NDNF: variants seen among roughly 807,000 people sequenced by gnomAD.
The protein encoded by NDNF is protein NDNF.
Under a neutral mutation model 42.0 loss-of-function variants are expected in NDNF, and 16 were observed. The observed-to-expected ratio is 0.38, with a 90% CI of 0.26 to 0.58. NDNF has a LOEUF of 0.58. NDNF is among the 20% of genes least tolerant of loss of function. The pLI, the probability that NDNF is intolerant of heterozygous loss-of-function variation, is 0.67. For missense variants in NDNF, 616 were observed against 666.2 expected, an observed-to-expected ratio of 0.92 and a Z score of 0.83; for synonymous variants, 248 against 251.7, an observed-to-expected ratio of 0.99 and a Z score of 0.14.
At chr4:121,051,484 T>C (rs1461632518) in intron 1 of NDNF, among the ~76,000 whole-genome samples, 1 of 152,160 alleles carries the variant, frequency 6.6e-6, no homozygotes, top group African/African-American at 2.4e-5. Context: ...TATAAAATGG[T>C]CAATGGTAAG....
rs779009696 is a variant in NDNF at position 121,045,657 on chromosome 4, G to A, written c.181C>T (p.Pro61Ser). ...ATACTGCAGGGAGAATACCTCTTAG[G>A]TGTATCTCTAAAGAGATAACTGCTA... ...EISSYLFRDT[P>S]KRYFFVVEED... is the part of the protein sequence containing the mutation. Residue 61 changes from proline (P) to serine (S), a missense_variant, in exon 2 of 4, where the codon CCT (proline) becomes TCT (serine). Coordinates refer to ENST00000379692, the MANE Select transcript of NDNF (RefSeq NM_024574.4). The A allele has an allele frequency of 9.9e-6, 16 of 1,610,010 alleles. No homozygotes were observed. The highest frequency in any genetic ancestry group is 1.4e-5 in the Non-Finnish European group (16 of 1,176,214).
intron 2 of NDNF, among the ~76,000 whole-genome samples, chr4:121,040,904 C>G (rs894792452): frequency 5.9e-5 from 9 of 152,136 alleles, no homozygotes; most frequent in Non-Finnish European, 8.8e-5. Context: ...CTCAGCCTTC[C>G]AAAGCACTGG....
At position 121,037,599 on chromosome 4, in the gene NDNF, C is replaced by T. The variant is rs763272396; in HGVS notation, c.372G>A (p.Glu124=). 3 of 1,608,602 alleles carry T rather than the reference C, an allele frequency of 1.9e-6. No homozygotes were observed. The East Asian group carries it at 6.7e-5, about 36-fold the overall frequency. The change falls in exon 4 of 4, where the codon GAG becomes GAA. Residue 124 remains glutamate, a synonymous_variant. Transcript: ENST00000379692. The part of the protein sequence containing the change: ...KQQIINEEGT[E]LFSYKGNDVE... Reference sequence around the variant, plus strand: ...CATCATTGCCTTTGTAGGAGAATAACTCAGTGCCTTCCTCATTAATGATCT... The same window carrying T: ...CATCATTGCCTTTGTAGGAGAATAATTCAGTGCCTTCCTCATTAATGATCT...
chr4:121,056,287 G>A (rs982819393), intron 1 of NDNF, among the ~76,000 whole-genome samples: 1 of 152,196 alleles, frequency 6.6e-6, no homozygotes, highest in African/African-American at 2.4e-5. Context: ...AAGACCAGGA[G>A]GGAATTGACT....
intron 1 of NDNF, among the ~76,000 whole-genome samples, chr4:121,070,702 C>A (rs1727576458): frequency 6.6e-6 from 1 of 152,134 alleles, no homozygotes; most frequent in Non-Finnish European, 1.5e-5. Context: ...AACAAAGTTG[C>A]TAAAAAGAAC....
chr4:121,061,043 A>C (rs186842887), intron 1 of NDNF: 1 of 152,330 alleles, frequency 6.6e-6, no homozygotes, highest in East Asian at 1.9e-4. Flanking sequence ...TTATTTCCAG[A>C]AAAAAGGGGA....
chr4:121,055,346 TG>T (rs1299551297), intron 1 of NDNF, among the ~76,000 whole-genome samples: 1 of 152,068 alleles, frequency 6.6e-6, no homozygotes, highest in East Asian at 1.9e-4. Context: ...ATGGAAAAAC[TG>T]GGGATATGCT....
In NDNF at chr4:121,062,314, C is replaced by A. The variant is rs184777697; in HGVS notation, c.-2+9679G>T. Among the ~76,000 whole-genome samples, 748 of 152,270 alleles carry A rather than the reference C, an allele frequency of 4.9e-3. 16 individuals are homozygous for A. Among genetic ancestry groups the A allele is most frequent in the Non-Finnish European group, 2.9e-3 (199 of 68,014 alleles). On this transcript the variant is annotated intron_variant, in intron 1 of 3. Transcript: ENST00000379692. Reference sequence around the variant, plus strand: ...GAGGACATCAACATTGTTTAATAAACAAAACTGATCAACACTGGTTCAAAG... The same window carrying A: ...GAGGACATCAACATTGTTTAATAAAAAAAACTGATCAACACTGGTTCAAAG...
intron 1 of NDNF, among the ~76,000 whole-genome samples, chr4:121,056,532 G>T (rs1401755532): frequency 6.6e-6 from 1 of 152,146 alleles, no homozygotes; most frequent in African/African-American, 2.4e-5. Context: ...GCTAGTAACA[G>T]CAAGGATAAA....
At chr4:121,070,248 G>A (rs893930411) in intron 1 of NDNF, among the ~76,000 whole-genome samples, 2 of 152,118 alleles carry the variant, frequency 1.3e-5, no homozygotes, top group Middle Eastern at 3.4e-3. Flanking sequence ...CATACCGATC[G>A]CCCTCACTAC....
chr4:121,066,142 T>C (rs1249496561), intron 1 of NDNF, among the ~76,000 whole-genome samples: 2 of 152,142 alleles, frequency 1.3e-5, no homozygotes, highest in Non-Finnish European at 2.9e-5. Flanking sequence ...ATTAGAGTGT[T>C]AAATGTTTAT....
At chr4:121,057,877 T>C (rs1727325149) in intron 1 of NDNF, among the ~76,000 whole-genome samples, 1 of 152,306 alleles carries the variant, frequency 6.6e-6, no homozygotes, top group South Asian at 2.1e-4. Context: ...CCCTGTACAC[T>C]GTCAATAAGT....
At chr4:121,065,718 A>G (rs1727488341) in intron 1 of NDNF, among the ~76,000 whole-genome samples, 1 of 21,042 alleles carries the variant, frequency 4.8e-5, no homozygotes. Context: ...AGAATGAAAT[A>G]CACACACACA....
At position 121,045,814 on chromosome 4, in the gene NDNF, C is replaced by A; in HGVS notation, c.24G>T (p.Leu8=). The change falls in exon 2 of 4, where the codon CTG becomes CTT. Residue 8 remains leucine (L), a synonymous_variant. Coordinates refer to ENST00000379692, the MANE Select transcript of NDNF (RefSeq NM_024574.4). ...AGCTGAGTGGAAACAGGAGCCACAG[C>A]AGGCACCAGTGGAGCAGCACCATCC... is the stretch of plus-strand genomic sequence containing the variant. MVLLHWC[L]LWLLFPLSSR... 1 of 1,614,118 alleles carries A rather than the reference C, an allele frequency of 6.2e-7. No homozygotes were observed. The highest frequency in any genetic ancestry group is 8.5e-7 in the Non-Finnish European group (1 of 1,180,004).
intron 1 of NDNF, among the ~76,000 whole-genome samples, chr4:121,070,891 G>C (rs1206999735): frequency 6.6e-6 from 1 of 152,230 alleles, no homozygotes; most frequent in African/African-American, 2.4e-5. Flanking sequence ...CTTGGCCGGA[G>C]GGACAGCTCA....
intron 1 of NDNF, among the ~76,000 whole-genome samples, chr4:121,066,911 C>T (rs189026768): frequency 2.5e-4 from 38 of 152,264 alleles, no homozygotes; most frequent in African/African-American, 7.7e-4. Context: ...CCTTGATTTC[C>T]GCTTAGAGAG....
intron 1 of NDNF, among the ~76,000 whole-genome samples, chr4:121,070,578 T>G: frequency 6.7e-6 from 1 of 149,548 alleles, no homozygotes; most frequent in Non-Finnish European, 1.5e-5. Context: ...GGAGGAGGGG[T>G]GGAGGGGGGA....
chr4:121,052,719 G>A (rs971616007), intron 1 of NDNF, among the ~76,000 whole-genome samples: 1 of 152,188 alleles, frequency 6.6e-6, no homozygotes, highest in Non-Finnish European at 1.5e-5. Context: ...TCCAACATGT[G>A]CCAGCGTGGA....
chr4:121,045,421 C>T (rs1220578724), intron 2 of NDNF, among the ~76,000 whole-genome samples: 3 of 151,730 alleles, frequency 2.0e-5, no homozygotes, highest in African/African-American at 7.3e-5. Flanking sequence ...GTAAGAAATG[C>T]AAGCATTGCC....
Sources: allele counts gnomAD v4.1 joint callset (sites outside exome capture counted in the v4.1 genomes callset), GRCh38; gene constraint gnomAD v4.1.1; transcripts MANE v1.5; gene names NCBI Gene and HGNC (gene_info 2026-07-23, HGNC 2026-07-21).